CSMD2: variants seen among roughly 807,000 people sequenced by gnomAD.
The protein encoded by CSMD2 is CUB and sushi domain-containing protein 2.
In CSMD2, 130 loss-of-function variants were observed where a neutral mutation model predicts 398.5. The observed-to-expected ratio is 0.33, with a 90% CI of 0.28 to 0.38. The LOEUF is 0.38. CSMD2 is among the 10% of genes least tolerant of loss of function. CSMD2 has a pLI of 1.00. For missense variants in CSMD2, 3,829 were observed against 4,764.9 expected (o/e 0.80, Z 5.78); for synonymous variants, 1,828 against 1,908.5 (o/e 0.96, Z 1.10).
chr1:33,740,228 G>C (rs2149248107), intron 14 of CSMD2, among the ~76,000 whole-genome samples: 1 of 152,074 alleles, frequency 6.6e-6, no homozygotes, highest in East Asian at 1.9e-4. Flanking sequence ...TCTCTACCAA[G>C]CATGTTCCCT....
At chr1:33,683,902 C>T (rs1477789802) in intron 25 of CSMD2, among the ~76,000 whole-genome samples, 1 of 152,220 alleles carries the variant, frequency 6.6e-6, no homozygotes, top group Admixed American at 6.5e-5. Flanking sequence ...GTACACGAAC[C>T]TTCTCTGTTT....
At chr1:33,700,224 G>A (rs1340984853) in intron 23 of CSMD2, among the ~76,000 whole-genome samples, 1 of 152,118 alleles carries the variant, frequency 6.6e-6, no homozygotes, top group Non-Finnish European at 1.5e-5. Flanking sequence ...GGCCAGGCTG[G>A]TCTTGAACTC....
chr1:34,088,478 T>C (rs1658174065), intron 2 of CSMD2, among the ~76,000 whole-genome samples: 1 of 152,156 alleles, frequency 6.6e-6, no homozygotes, highest in African/African-American at 2.4e-5. Context: ...GGGGATCTCT[T>C]CCATCACAGG....
At position 33,537,145 on chromosome 1, in the gene CSMD2, C is replaced by G; in HGVS notation, c.9806-50G>C. The G allele has an allele frequency of 1.9e-6, 3 of 1,585,566 alleles. No individual in the cohort carries two copies. In the South Asian group the frequency reaches 3.3e-5, roughly 18 times the overall value. Reference sequence around the variant, plus strand: ...GATCACATGGTCATGGAAGCCTTCACGGCCTCATCTCACTCTGGGAAATAG... The same window carrying G: ...GATCACATGGTCATGGAAGCCTTCAGGGCCTCATCTCACTCTGGGAAATAG... On this transcript the variant is annotated intron_variant, in intron 61 of 70. Coordinates refer to ENST00000373381, the MANE Select transcript of CSMD2 (RefSeq NM_001281956.2). This position sits in a 1 kb window ranked among gnomAD's most constrained non-coding sequence, Gnocchi z 4.6.
In CSMD2 at chr1:33,602,483, G is replaced by C. The variant is rs780546609; in HGVS notation, c.6596C>G (p.Pro2199Arg). Residue 2199 changes from proline (P) to arginine (R), a missense_variant, in exon 43 of 71, where the codon CCG (proline) becomes CGG (arginine). Coordinates refer to ENST00000373381, the MANE Select transcript of CSMD2 (RefSeq NM_001281956.2). ...GACACAGTCCTGGGAGCTGGAGTAC[G>C]GGCTAGGGAACCCCGGGGAGTACAC... ...GTVYSPGFPSPYSSSQDCVWL... is the reference protein window; with the variant it reads ...GTVYSPGFPSRYSSSQDCVWL... 6.2e-7 allele frequency: 1 copy of C among 1,613,660 alleles called. No individual in the cohort carries two copies. The highest frequency in any genetic ancestry group is 1.7e-5 in the Admixed American group (1 of 59,982).
At chr1:33,654,635 A>C (rs1571106098) in intron 27 of CSMD2, among the ~76,000 whole-genome samples, 2 of 152,336 alleles carry the variant, frequency 1.3e-5, no homozygotes, top group South Asian at 2.1e-4. Context: ...GAGCTTAACA[A>C]AGCAAGACTG....
intron 5 of CSMD2, among the ~76,000 whole-genome samples, chr1:33,890,644 T>C (rs972148315): frequency 6.6e-6 from 1 of 151,942 alleles, no homozygotes; most frequent in African/African-American, 2.4e-5. Flanking sequence ...GACTTCAAAC[T>C]ATACTACAAG....
At chr1:33,664,276 C>T (rs1194431894) in intron 25 of CSMD2, among the ~76,000 whole-genome samples, 1 of 151,990 alleles carries the variant, frequency 6.6e-6, no homozygotes, top group Non-Finnish European at 1.5e-5. Context: ...ATATATTGTT[C>T]CCTCAAAATG....
chr1:33,547,293 C>A (rs557498294), intron 56 of CSMD2, among the ~76,000 whole-genome samples: 5 of 152,242 alleles, frequency 3.3e-5, no homozygotes, highest in African/African-American at 7.2e-5. Context: ...AGGGCCAACA[C>A]ATTTCATGAT....
chr1:33,829,395 T>C (rs543391297), intron 6 of CSMD2, among the ~76,000 whole-genome samples: 1 of 152,340 alleles, frequency 6.6e-6, no homozygotes, highest in East Asian at 1.9e-4. Flanking sequence ...ATGACTTTCC[T>C]TTTTTTATTA....
At chr1:33,852,848 T>C (rs774270927) in intron 5 of CSMD2, among the ~76,000 whole-genome samples, 2 of 152,248 alleles carry the variant, frequency 1.3e-5, no homozygotes, top group Non-Finnish European at 2.9e-5. Context: ...ATTGCAACCA[T>C]GCCCATTCAT....
rs61769904 is a variant in CSMD2 at position 33,891,473 on chromosome 1, C to T, written c.920+26621G>A. On this transcript the variant is annotated intron_variant, in intron 5 of 70. Transcript: ENST00000373381. ...GTGGGACTGTAAACTAGTTCAACCA[C>T]TGTGGAAGTCAGTGTGGCGATTCCT... 1.0e-3 allele frequency among the ~76,000 whole-genome samples: 155 copies of T among 151,188 alleles called. 1 individual carries two copies. The East Asian group carries it at 0.012, about 12-fold the overall frequency.
chr1:33,593,544 G>C (rs933583876), intron 44 of CSMD2, among the ~76,000 whole-genome samples: 1 of 152,136 alleles, frequency 6.6e-6, no homozygotes, highest in Non-Finnish European at 1.5e-5. Context: ...AAAACCATCA[G>C]ATCTTGTGAG....
chr1:34,147,233 G>A (rs1414280194), intron 1 of CSMD2, among the ~76,000 whole-genome samples: 1 of 152,054 alleles, frequency 6.6e-6, no homozygotes, highest in African/African-American at 2.4e-5. Flanking sequence ...ACTCCAGCCT[G>A]GGTGACAGAG....
chr1:34,100,101 A>G (rs1389909371), intron 1 of CSMD2, among the ~76,000 whole-genome samples: 2 of 152,156 alleles, frequency 1.3e-5, no homozygotes, highest in Non-Finnish European at 2.9e-5. Flanking sequence ...ATTTTTTTCC[A>G]TGCATATTTC....
chr1:33,663,523 CA>C, intron 25 of CSMD2, among the ~76,000 whole-genome samples: 1 of 152,042 alleles, frequency 6.6e-6, no homozygotes, highest in South Asian at 2.1e-4. Flanking sequence ...GGCTAGAGGG[CA>C]GGGGGAACTG....
Position 33,902,350 on chromosome 1 carries a change from A to T in CSMD2, c.920+15744T>A, listed in dbSNP as rs1003964872. Among the ~76,000 whole-genome samples the T allele has an allele frequency of 4.6e-5, 7 of 152,182 alleles. No individual in the cohort carries two copies. In the East Asian group the frequency reaches 1.2e-3, roughly 25 times the overall value. The stretch of plus-strand genomic sequence containing the variant: ...GAGATGTCCCTCTATTTCCAGAAAG[A>T]CAATCAACTCCTGAAAAGCCCATTT... On this transcript the variant is annotated intron_variant, in intron 5 of 70. Transcript: ENST00000373381.
chr1:34,032,772 T>C (rs1650620701), intron 2 of CSMD2, 66 bp from the exon 3 acceptor site: 1 of 1,087,862 alleles, frequency 9.2e-7, no homozygotes, highest in South Asian at 1.4e-5. Context: ...CACGAAGCAT[T>C]TATTGAGTGC....
At chr1:33,787,464 T>C (rs1417332897) in intron 12 of CSMD2, among the ~76,000 whole-genome samples, 1 of 152,218 alleles carries the variant, frequency 6.6e-6, no homozygotes, top group African/African-American at 2.4e-5. Context: ...CTGAGGACTT[T>C]AGGCTCACTT....
Sources: gnomAD v4.1 joint callset for allele counts (sites outside exome capture counted in the v4.1 genomes callset) on GRCh38, gnomAD v4.1.1 for gene constraint, Gnocchi (gnomAD v3.1) non-coding constraint, MANE v1.5 for transcripts, NCBI Gene and HGNC (gene_info 2026-07-23, HGNC 2026-07-21) for gene names.